The following ZMYM2 variants were observed in gnomAD, a reference collection of about 807,000 sequenced individuals.
ZMYM2 encodes zinc finger MYM-type containing 2, also known as zinc finger MYM-type protein 2.
Under a neutral mutation model 162.8 loss-of-function variants are expected in ZMYM2, and 56 were observed. That is an observed-to-expected ratio of 0.34 (90% confidence interval 0.28 to 0.43). The LOEUF (loss-of-function observed/expected upper bound fraction) is 0.43. Ranked by LOEUF, ZMYM2 falls within the 20% of genes least tolerant of loss-of-function variation. The probability of loss-of-function intolerance (pLI) is 1.00; values close to 1 mark genes in which losing one functional copy is unlikely to be tolerated. For missense variants in ZMYM2, 1,275 were observed against 1,621.8 expected, an observed-to-expected ratio of 0.79 and a Z score of 3.67; for synonymous variants, 510 against 541.6, an observed-to-expected ratio of 0.94 and a Z score of 0.81.
At chr13:19,946,640 G>A in the ZMYM2 span, among the ~76,000 whole-genome samples, 9 of 152,280 alleles carry the variant, frequency 5.9e-5, no homozygotes, top group African/African-American at 2.2e-4. Flanking sequence ...CATGAGGGTA[G>A]GAACTACATC....
At chr13:19,918,426 CA>C in the ZMYM2 span, among the ~76,000 whole-genome samples, 1 of 149,498 alleles carries the variant, frequency 6.7e-6, no homozygotes, top group Non-Finnish European at 1.5e-5. Context: ...GCCTGGGCAA[CA>C]GAGCAAAACT....
At chr13:19,969,950 C>G in intron 2 of ZMYM2, 1 of 729,272 alleles carries the variant, frequency 1.4e-6, no homozygotes, top group Non-Finnish European at 1.7e-6. Context: ...GAAATAGATT[C>G]TTAGTACCTG....
chr13:19,922,166 C>T, the ZMYM2 span, among the ~76,000 whole-genome samples: 208 of 152,148 alleles, frequency 1.4e-3, no homozygotes, highest in Non-Finnish European at 2.5e-3. Context: ...CCGCCTGCCT[C>T]GGCCTCCCAA....
At chr13:19,903,766 T>C in the ZMYM2 span, among the ~76,000 whole-genome samples, 1 of 151,616 alleles carries the variant, frequency 6.6e-6, no homozygotes, top group Non-Finnish European at 1.5e-5. Flanking sequence ...GGAGGATCAC[T>C]TGAGCCCAGA....
At chr13:20,080,965 A>G (rs1957871000) in intron 21 of ZMYM2, among the ~76,000 whole-genome samples, 1 of 152,208 alleles carries the variant, frequency 6.6e-6, no homozygotes, top group Admixed American at 6.5e-5. Context: ...TATTCCAAGA[A>G]CACTTTATAA....
chr13:19,952,262 G>A, the ZMYM2 span, among the ~76,000 whole-genome samples: 3 of 152,064 alleles, frequency 2.0e-5, no homozygotes, highest in Non-Finnish European at 4.4e-5. Context: ...GAATTTAGAG[G>A]ATATGGGTCA....
the ZMYM2 span, among the ~76,000 whole-genome samples, chr13:19,870,643 T>C: frequency 3.3e-3 from 505 of 150,864 alleles, 1 homozygote; most frequent in South Asian, 0.026. Flanking sequence ...CTCGCTCTAT[T>C]GCCCAGGCTG....
chr13:19,989,467 C>T (rs1300836167), intron 2 of ZMYM2, among the ~76,000 whole-genome samples: 1 of 152,078 alleles, frequency 6.6e-6, no homozygotes, highest in Non-Finnish European at 1.5e-5. Flanking sequence ...CCATGCCCAG[C>T]TAATTTTTGT....
chr13:20,068,437 T>C (rs1956839219), intron 21 of ZMYM2: 1 of 161,212 alleles, frequency 6.2e-6, no homozygotes, highest in Non-Finnish European at 1.4e-5. Context: ...ACTATAGAAT[T>C]GTTAATGTTT....
In ZMYM2 at chr13:19,959,976, G is replaced by T. The variant is rs1260945668; in HGVS notation, c.-61G>T. On this transcript the variant is annotated 5_prime_UTR_variant, in exon 2 of 25. Coordinates refer to ENST00000610343, the MANE Select transcript of ZMYM2 (RefSeq NM_197968.4). Reference sequence around the variant, plus strand: ...ATCCCAGGACCAAGAATCGCCTTCAGCCCTGTCTGGTGCATCCTTGGCAGA... The same window carrying T: ...ATCCCAGGACCAAGAATCGCCTTCATCCCTGTCTGGTGCATCCTTGGCAGA... The T allele has an allele frequency of 6.6e-6, 1 of 152,280 alleles. No homozygotes were observed. Among genetic ancestry groups the T allele is most frequent in the Non-Finnish European group, 1.5e-5 (1 of 68,126 alleles). The allele number at this position is 152,280 out of a possible 1,614,324, so 9.4% of individuals were successfully genotyped here.
At chr13:19,980,287 T>A (rs1957197779) in intron 2 of ZMYM2, among the ~76,000 whole-genome samples, 1 of 152,188 alleles carries the variant, frequency 6.6e-6, no homozygotes, top group South Asian at 2.1e-4. Flanking sequence ...TCTGAAAAAT[T>A]TATATACCCT....
the ZMYM2 span, among the ~76,000 whole-genome samples, chr13:19,951,505 C>T: frequency 2.6e-5 from 3 of 113,334 alleles, no homozygotes; most frequent in African/African-American, 3.5e-5. Context: ...GCCTGGTCAA[C>T]ACGGTGAAAC....
chr13:19,963,940 C>T (rs1390252319), intron 2 of ZMYM2, among the ~76,000 whole-genome samples: 1 of 151,994 alleles, frequency 6.6e-6, no homozygotes. Context: ...TTATAACAGT[C>T]CATTGAAAAT....
At chr13:20,041,433 C>T (rs1261282325) in intron 12 of ZMYM2, among the ~76,000 whole-genome samples, 1 of 152,112 alleles carries the variant, frequency 6.6e-6, no homozygotes, top group Non-Finnish European at 1.5e-5. Context: ...TTATTTTGAG[C>T]CTATGTGTGT....
chr13:20,074,198 G>T (rs755748499), intron 21 of ZMYM2, among the ~76,000 whole-genome samples: 132 of 20,600 alleles, frequency 6.4e-3, no homozygotes, highest in Admixed American at 0.022. Flanking sequence ...GTCAGAATTT[G>T]TGTGTGTGTG....
intron 2 of ZMYM2, among the ~76,000 whole-genome samples, chr13:19,971,244 G>GTGTGTGTGTATATATATATATATATA (rs5802035): frequency 2.0e-4 from 10 of 50,108 alleles, no homozygotes; most frequent in Admixed American, 5.7e-4. Flanking sequence ...GTGTGTGTGT[G>GTGTGTGTGTATATATATATATATATA]TATATATATA....
intron 13 of ZMYM2, 71 bp from the exon 14 acceptor site, chr13:20,052,206 G>A (rs949422454): frequency 8.0e-7 from 1 of 1,257,610 alleles, no homozygotes; most frequent in Non-Finnish European, 1.1e-6. Flanking sequence ...GAAATTTAAT[G>A]AGAAATAGGG....
At position 20,003,098 on chromosome 13, in the gene ZMYM2, A is replaced by G. The variant is rs752944141; in HGVS notation, c.1096A>G (p.Lys366Glu). The change falls in exon 4 of 25, where the codon AAG becomes GAG. Residue 366 changes from lysine (K) to glutamate (E), a missense_variant. This residue lies in a region of ZMYM2 where 115 missense variants were observed against 175.3 expected (regional missense o/e 0.66). Coordinates refer to ENST00000610343, the MANE Select transcript of ZMYM2 (RefSeq NM_197968.4). The part of the protein sequence containing the change: ...STTCLSSFSH[K>E]PAPKKLCVMC... ...CACCTGCCTTTCTTCCTTCTCCCAC[A>G]AGCCTGCTCCAAAGAAACTCTGTGT... The G allele has an allele frequency of 6.2e-7, 1 of 1,614,176 alleles. No individual in the cohort carries two copies.
the ZMYM2 span, among the ~76,000 whole-genome samples, chr13:19,924,972 C>T: frequency 4.0e-5 from 6 of 151,248 alleles, no homozygotes; most frequent in Admixed American, 4.0e-4. Context: ...GCAACCTCGG[C>T]CTCCCAGGTT....
Sources: allele counts gnomAD v4.1 joint callset (sites outside exome capture counted in the v4.1 genomes callset), GRCh38; gene constraint gnomAD v4.1.1; regional missense constraint gnomAD v4.1.1; transcripts MANE v1.5; gene names NCBI Gene and HGNC (gene_info 2026-07-23, HGNC 2026-07-21).